SP8: variants seen among roughly 807,000 people sequenced by gnomAD.
SP8 encodes transcription factor Sp8.
SP8 carries 7 observed loss-of-function variants against 15.3 expected under a neutral mutation model. That is an observed-to-expected ratio of 0.46 (90% CI 0.26 to 0.86). The LOEUF is 0.86. SP8 is among the 40% of genes least tolerant of loss of function. The pLI is 0.16. For synonymous variants in SP8, 415 were observed against 356.3 expected (o/e 1.16, Z -1.86); for missense variants, 731 against 736.4 (o/e 0.99, Z 0.09).
Position 20,782,565 on chromosome 7 carries a change from G to C in SP8, c.*1725C>G, listed in dbSNP as rs531286770. On this transcript the variant is annotated 3_prime_UTR_variant, in exon 2 of 2. Transcript: ENST00000418710. ...ACTTGGACAATTTATTTAATACATG[G>C]GTTTTGGCAGACCACTTATTATGAA... 2.5e-4 allele frequency: 1 copy of C among 4,032 alleles called. No individual in the cohort carries two copies. The highest frequency in any genetic ancestry group is 1.3e-3 in the African/African-American group (1 of 746). The allele number at this position is 4,032 out of a possible 1,614,324, so 0.2% of individuals were successfully genotyped here.
In SP8 at chr7:20,785,969, G is replaced by C. The variant is rs906227813; in HGVS notation, c.22-174C>G. The C allele has an allele frequency of 1.4e-6, 2 of 1,447,342 alleles. No homozygotes were observed. The highest frequency in any genetic ancestry group is 9.1e-7 in the Non-Finnish European group (1 of 1,102,058). 89.7% of individuals were successfully genotyped at this position (1,447,342 alleles called of 1,614,324 possible). Reference sequence around the variant, plus strand: ...TCACCTGGCACCCCCAACAGCCCCGGCGCCCGGCCGCTTCCTACTCTACAG... The same window carrying C: ...TCACCTGGCACCCCCAACAGCCCCGCCGCCCGGCCGCTTCCTACTCTACAG... On this transcript the variant is annotated intron_variant, in intron 1 of 1. Coordinates refer to ENST00000418710, the MANE Select transcript of SP8 (RefSeq NM_182700.6). The surrounding 1 kb of genome is among the most constrained non-coding windows in gnomAD (Gnocchi z 7.2).
chr7:20,786,850 CAG>C lies in SP8; in HGVS notation c.-54_-53del, dbSNP rs1230662778. 1 of 1,472,686 alleles carries C rather than the reference CAG, an allele frequency of 6.8e-7. No homozygotes were observed. Among genetic ancestry groups the C allele is most frequent in the East Asian group, 2.3e-5 (1 of 44,208 alleles). The allele number at this position is 1,472,686 out of a possible 1,614,324, so 91.2% of individuals were successfully genotyped here. On this transcript the variant is annotated 5_prime_UTR_variant, in exon 1 of 2. Transcript: ENST00000418710. This position sits in a 1 kb window ranked among gnomAD's most constrained non-coding sequence, Gnocchi z 4.4. ...GAGGATCTTTTTTATATTGATAAAT[CAG>C]AGGCAGTGTTTTTTTTAGAGGTGTG...
In SP8 at chr7:20,784,454, T is replaced by C; in HGVS notation, c.1363A>G (p.Thr455Ala). The stretch of plus-strand genomic sequence containing the variant: ...CCGCCGCCGCCGCCGCCACTGTGCG[T>C]CTTCACGTGCTTGCTGAGGTGGTCG... ...RSDHLSKHVK[T>A]HSGGGGGGGS... The change falls in exon 2 of 2, where the codon ACG (threonine) becomes GCG (alanine). Residue 455 changes from threonine (T) to alanine (A), a missense_variant. Thr to Ala is a moderately conservative substitution (Grantham distance 58, BLOSUM62 0). Coordinates refer to ENST00000418710, the MANE Select transcript of SP8 (RefSeq NM_182700.6). 1 of 1,545,750 alleles carries C rather than the reference T, an allele frequency of 6.5e-7. No homozygotes were observed. The highest frequency in any genetic ancestry group is 8.7e-7 in the Non-Finnish European group (1 of 1,146,990).
rs775464218 is a variant in SP8 at position 20,785,289 on chromosome 7, C to T, written c.528G>A (p.Gln176=). 2 of 1,557,154 alleles carry T rather than the reference C, an allele frequency of 1.3e-6. No homozygotes were observed. Among genetic ancestry groups the T allele is most frequent in the Non-Finnish European group, 1.7e-6 (2 of 1,156,066 alleles). The change falls in exon 2 of 2, where the codon CAG becomes CAA. Residue 176 remains glutamine, a synonymous_variant. Transcript: ENST00000418710. The surrounding 1 kb of genome is among the most constrained non-coding windows in gnomAD (Gnocchi z 7.2). The part of the protein sequence containing the change: ...SSAHSQDGSH[Q]PVFISKVHTS... ...TGTGCACCTTGGAGATGAACACCGG[C>T]TGGTGGGAGCCGTCCTGCGAGTGCG...
At position 20,785,423 on chromosome 7, in the gene SP8, C is replaced by A; in HGVS notation, c.394G>T (p.Ala132Ser). The A allele has an allele frequency of 7.6e-7, 1 of 1,323,038 alleles. No individual in the cohort carries two copies. Among genetic ancestry groups the A allele is most frequent in the Non-Finnish European group, 9.7e-7 (1 of 1,028,242 alleles). 82.0% of individuals were successfully genotyped at this position (1,323,038 alleles called of 1,614,324 possible). A position where few individuals can be genotyped will look rare whatever the true frequency, so the allele number is the denominator to read the frequency against. Residue 132 changes from alanine (A) to serine (S), a missense_variant, in exon 2 of 2, where the codon GCC (alanine) becomes TCC (serine). This residue lies in a region of SP8 where 586 missense variants were observed against 524.9 expected (regional missense o/e 1.12). Coordinates refer to ENST00000418710, the MANE Select transcript of SP8 (RefSeq NM_182700.6). This position sits in a 1 kb window ranked among gnomAD's most constrained non-coding sequence, Gnocchi z 7.2. The part of the protein sequence containing the change: ...SAAAAAAAAA[A>S]AASSSPFAND... ...GCGAAGGGCGAGCTGGAGGCGGCGGCTGCGGCGGCGGCGGCGGCGGCTGCG... is the reference window on the plus strand; with the variant it reads ...GCGAAGGGCGAGCTGGAGGCGGCGGATGCGGCGGCGGCGGCGGCGGCTGCG...
rs1562606380 is a variant in SP8, at chr7:20,785,027, A to C, written c.790T>G (p.Ser264Ala). ...TCCGAGTTGTAGCCTCCGAGCGGCGAGTGCAGCGAGGTTTGGAGCCCCCCG... is the reference window on the plus strand; with the variant it reads ...TCCGAGTTGTAGCCTCCGAGCGGCGCGTGCAGCGAGGTTTGGAGCCCCCCG... ...AAGGLQTSLH[S>A]PLGGYNSDYS... The change falls in exon 2 of 2, where the codon TCG becomes GCG. Residue 264 changes from serine (S) to alanine (A), a missense_variant. Physicochemically the swap from Ser to Ala is moderately conservative, Grantham distance 99 (BLOSUM62 1). Transcript: ENST00000418710. This position sits in a 1 kb window ranked among gnomAD's most constrained non-coding sequence, Gnocchi z 7.2. The C allele has an allele frequency of 8.9e-6, 14 of 1,576,344 alleles. No homozygotes were observed. Among genetic ancestry groups the C allele is most frequent in the Non-Finnish European group, 1.2e-5 (14 of 1,166,234 alleles).
rs1216214016 is a variant in SP8 at position 20,785,852 on chromosome 7, G to A, written c.22-57C>T. The A allele has an allele frequency of 4.1e-5, 63 of 1,530,066 alleles. No individual in the cohort carries two copies. The South Asian group carries it at 5.2e-4, about 13-fold the overall frequency. The allele number at this position is 1,530,066 out of a possible 1,614,324, so 94.8% of individuals were successfully genotyped here. Reference sequence around the variant, plus strand: ...GGGGAGGTGGGCAAAGGGCCGGTGGGGGAGGAAAGGAAGAAATGTGCATCA... The same window carrying A: ...GGGGAGGTGGGCAAAGGGCCGGTGGAGGAGGAAAGGAAGAAATGTGCATCA... On this transcript the variant is annotated intron_variant, in intron 1 of 1. Transcript: ENST00000418710. The surrounding 1 kb of genome is among the most constrained non-coding windows in gnomAD (Gnocchi z 7.2).
Position 20,785,523 on chromosome 7 carries a change from CGCGGCAGCCGCG to C in SP8, c.282_293del (p.Ala96_Ala99del). The C allele has an allele frequency of 1.4e-6, 2 of 1,441,078 alleles. No homozygotes were observed. The highest frequency in any genetic ancestry group is 6.0e-5 in the Admixed American group (2 of 33,404). The allele number at this position is 1,441,078 out of a possible 1,614,324, so 89.3% of individuals were successfully genotyped here. A position where few individuals can be genotyped will look rare whatever the true frequency, so the allele number is the denominator to read the frequency against. ...AGCTGAACGAGTCGGACACCAGGGC[CGCGGCAGCCGCG>C]GCTGCTGCCGCGGCCGCCGCAGCCG... is the stretch of plus-strand genomic sequence containing the variant. On this transcript the variant is annotated inframe_deletion, in exon 2 of 2. Coordinates refer to ENST00000418710, the MANE Select transcript of SP8 (RefSeq NM_182700.6). The surrounding 1 kb of genome is among the most constrained non-coding windows in gnomAD (Gnocchi z 7.2).
chr7:20,785,673 G>T lies in SP8; in HGVS notation c.144C>A (p.Phe48Leu). ...SDSSSSFGKGFHPWKRSSSSS... is the reference protein window; with the variant it reads ...SDSSSSFGKGLHPWKRSSSSS... ...AGGACGAGGAGCGTTTCCAGGGGTGGAAGCCTTTGCCGAAGGAAGAAGAGC... is the reference window on the plus strand; with the variant it reads ...AGGACGAGGAGCGTTTCCAGGGGTGTAAGCCTTTGCCGAAGGAAGAAGAGC... Residue 48 changes from phenylalanine (F) to leucine (L), a missense_variant, in exon 2 of 2, where the codon TTC (phenylalanine) becomes TTA (leucine). This residue lies in a region of SP8 where 586 missense variants were observed against 524.9 expected (regional missense o/e 1.12). Transcript: ENST00000418710. This position sits in a 1 kb window ranked among gnomAD's most constrained non-coding sequence, Gnocchi z 7.2. 6.2e-7 allele frequency: 1 copy of T among 1,613,946 alleles called. No individual in the cohort carries two copies. Among genetic ancestry groups the T allele is most frequent in the African/African-American group, 1.3e-5 (1 of 75,002 alleles).
Position 20,783,618 on chromosome 7 carries a change from A to AG in SP8, c.*671_*672insC, listed in dbSNP as rs59073147. The AG allele has an allele frequency of 1, 152,371 of 152,372 alleles. 76,185 individuals carry two copies. The highest frequency in any genetic ancestry group is 1 in the Non-Finnish European group (68,072 of 68,072). The allele number at this position is 152,372 out of a possible 1,614,324, so 9.4% of individuals were successfully genotyped here. On this transcript the variant is annotated 3_prime_UTR_variant, in exon 2 of 2. Coordinates refer to ENST00000418710, the MANE Select transcript of SP8 (RefSeq NM_182700.6). Reference sequence around the variant, plus strand: ...TCAGGGAACAAAGAAAAAGAGGCAGACTGACATTGGGAGATCTAAACTCTA... The same window carrying AG: ...TCAGGGAACAAAGAAAAAGAGGCAGAGCTGACATTGGGAGATCTAAACTCTA...
Position 20,785,410 on chromosome 7 carries a change from C to T in SP8, c.407G>A (p.Ser136Asn). The change falls in exon 2 of 2, where the codon AGC (serine) becomes AAC (asparagine). Residue 136 changes from serine (S) to asparagine (N), a missense_variant. Ser to Asn is a conservative substitution (Grantham distance 46). Coordinates refer to ENST00000418710, the MANE Select transcript of SP8 (RefSeq NM_182700.6). This position sits in a 1 kb window ranked among gnomAD's most constrained non-coding sequence, Gnocchi z 7.2. ...AAAAAAAAASSSPFANDYSVF... is the reference protein window; with the variant it reads ...AAAAAAAAASNSPFANDYSVF... The stretch of plus-strand genomic sequence containing the variant: ...AGAGTAGTCGTTGGCGAAGGGCGAG[C>T]TGGAGGCGGCGGCTGCGGCGGCGGC... The T allele has an allele frequency of 1.5e-6, 2 of 1,324,426 alleles. No individual in the cohort carries two copies. The highest frequency in any genetic ancestry group is 1.9e-6 in the Non-Finnish European group (2 of 1,027,624). 82.0% of individuals were successfully genotyped at this position (1,324,426 alleles called of 1,614,324 possible).
chr7:20,786,754 G>C lies in SP8; in HGVS notation c.21+24C>G. The stretch of plus-strand genomic sequence containing the variant: ...CAATAAAAGGAAACTAATTAAACCA[G>C]CAAGAGAAAATCCTGAGACTCACCC... On this transcript the variant is annotated intron_variant, in intron 1 of 1. Coordinates refer to ENST00000418710, the MANE Select transcript of SP8 (RefSeq NM_182700.6). This position sits in a 1 kb window ranked among gnomAD's most constrained non-coding sequence, Gnocchi z 4.4. The C allele has an allele frequency of 6.2e-7, 1 of 1,612,286 alleles. No individual in the cohort carries two copies. The highest frequency in any genetic ancestry group is 8.5e-7 in the Non-Finnish European group (1 of 1,178,476).
In SP8 at chr7:20,784,216, G is replaced by A; in HGVS notation, c.*74C>T. ...GATGCAATAGGGAAAGGCTGGAGTT[G>A]AAGTCCGGACAGACAGGGCCCAAGA... On this transcript the variant is annotated 3_prime_UTR_variant, in exon 2 of 2. Coordinates refer to ENST00000418710, the MANE Select transcript of SP8 (RefSeq NM_182700.6). 1.6e-6 allele frequency: 2 copies of A among 1,282,368 alleles called. No individual in the cohort carries two copies. Among genetic ancestry groups the A allele is most frequent in the Non-Finnish European group, 2.0e-6 (2 of 988,878 alleles). 79.4% of individuals were successfully genotyped at this position (1,282,368 alleles called of 1,614,324 possible). A position where few individuals can be genotyped will look rare whatever the true frequency, so the allele number is the denominator to read the frequency against.
rs1019210525 is a variant in SP8 at position 20,784,810 on chromosome 7, G to A, written c.1007C>T (p.Ser336Phe). The A allele has an allele frequency of 2.6e-6, 4 of 1,528,652 alleles. No homozygotes were observed. In the African/African-American group the frequency reaches 5.6e-5, roughly 21 times the overall value. 94.7% of individuals were successfully genotyped at this position (1,528,652 alleles called of 1,614,324 possible). A position where few individuals can be genotyped will look rare whatever the true frequency, so the allele number is the denominator to read the frequency against. ...GTAGCGGCGAGCTGAGGAGCGCGGGGAGCCCCCCAGCGGCGCCGAAGGCCC... is the reference window on the plus strand; with the variant it reads ...GTAGCGGCGAGCTGAGGAGCGCGGGAAGCCCCCCAGCGGCGCCGAAGGCCC... ...SAGPSAPLGG[S>F]PRSSARRYSG... The change falls in exon 2 of 2, where the codon TCC (serine) becomes TTC (phenylalanine). Residue 336 changes from serine to phenylalanine, a missense_variant. By Grantham distance (155) the Ser-to-Phe change is radical. This residue lies in a region of SP8 where 586 missense variants were observed against 524.9 expected (regional missense o/e 1.12). Coordinates refer to ENST00000418710, the MANE Select transcript of SP8 (RefSeq NM_182700.6).
In SP8 at chr7:20,785,439, G is replaced by A. The variant is rs1184962419; in HGVS notation, c.378C>T (p.Ala126=). Residue 126 remains alanine, a synonymous_variant, in exon 2 of 2, where the codon GCC becomes GCT. Transcript: ENST00000418710. This position sits in a 1 kb window ranked among gnomAD's most constrained non-coding sequence, Gnocchi z 7.2. The stretch of plus-strand genomic sequence containing the variant: ...AGGCGGCGGCTGCGGCGGCGGCGGC[G>A]GCGGCTGCGGCGCTGCTGGAGGTGA... ...FSLTSSSAAA[A]AAAAAAAASS... 4 of 1,183,422 alleles carry A rather than the reference G, an allele frequency of 3.4e-6. No homozygotes were observed. Among genetic ancestry groups the A allele is most frequent in the East Asian group, 5.4e-5 (1 of 18,528 alleles). The allele number at this position is 1,183,422 out of a possible 1,614,324, so 73.3% of individuals were successfully genotyped here. A position where few individuals can be genotyped will look rare whatever the true frequency, so the allele number is the denominator to read the frequency against.
In SP8 at chr7:20,785,911, C is replaced by A; in HGVS notation, c.22-116G>T. 1 of 1,461,792 alleles carries A rather than the reference C, an allele frequency of 6.8e-7. No homozygotes were observed. The highest frequency in any genetic ancestry group is 9.1e-7 in the Non-Finnish European group (1 of 1,099,092). The allele number at this position is 1,461,792 out of a possible 1,614,324, so 90.6% of individuals were successfully genotyped here. A position where few individuals can be genotyped will look rare whatever the true frequency, so the allele number is the denominator to read the frequency against. ...GTAGCCTCCAAAGCGCCCCACTGCA[C>A]CCCATCTCTCGCTGCGGCGCGCCGC... On this transcript the variant is annotated intron_variant, in intron 1 of 1. Transcript: ENST00000418710. This position sits in a 1 kb window ranked among gnomAD's most constrained non-coding sequence, Gnocchi z 7.2.
chr7:20,784,909 G>T lies in SP8; in HGVS notation c.908C>A (p.Pro303Gln). ...GTCCGGGTAGGAGCCGGGTAGCACT[G>T]GCTTGAAGCCGTCCATGAGGTGCTG... ...AGQHLMDGFK[P>Q]VLPGSYPDSA... The change falls in exon 2 of 2, where the codon CCA (proline) becomes CAA (glutamine). Residue 303 changes from proline to glutamine, a missense_variant. Physicochemically the swap from Pro to Gln is moderately conservative, Grantham distance 76 (BLOSUM62 -1). Transcript: ENST00000418710. 6.5e-7 allele frequency: 1 copy of T among 1,540,598 alleles called. No homozygotes were observed. The highest frequency in any genetic ancestry group is 1.2e-5 in the South Asian group (1 of 84,074).
rs367927423 is a variant in SP8, at chr7:20,784,424, AGCC to A, written c.1390_1392del (p.Gly464del). 2.1e-4 allele frequency: 320 copies of A among 1,525,612 alleles called. 1 individual carries two copies. Among genetic ancestry groups the A allele is most frequent in the Admixed American group, 6.2e-4 (31 of 49,706 alleles). 94.5% of individuals were successfully genotyped at this position (1,525,612 alleles called of 1,614,324 possible). A position where few individuals can be genotyped will look rare whatever the true frequency, so the allele number is the denominator to read the frequency against. On this transcript the variant is annotated inframe_deletion, in exon 2 of 2. Transcript: ENST00000418710. ...TTGCCGCCGCTGCCCGAGCCCGCCG[AGCC>A]GCCGCCGCCGCCGCCGCCACTGTGC...
rs200187315 is a variant in SP8 at position 20,785,251 on chromosome 7, C to G, written c.566G>C (p.Gly189Ala). Reference protein sequence around the residue: ...FISKVHTSVDGLQGIYPRVGM... With the variant: ...FISKVHTSVDALQGIYPRVGM... Reference sequence around the variant, plus strand: ...CACCCGCGGGTAGATGCCCTGCAGCCCGTCCACAGAGGTGTGCACCTTGGA... The same window carrying G: ...CACCCGCGGGTAGATGCCCTGCAGCGCGTCCACAGAGGTGTGCACCTTGGA... Residue 189 changes from glycine (G) to alanine (A), a missense_variant, in exon 2 of 2, where the codon GGG becomes GCG. Physicochemically the swap from Gly to Ala is moderately conservative, Grantham distance 60 (BLOSUM62 0). Around this residue, in one of 3 missense-constraint regions of SP8, gnomAD observed 586 missense variants for 524.9 expected, o/e 1.12. Coordinates refer to ENST00000418710, the MANE Select transcript of SP8 (RefSeq NM_182700.6). This position sits in a 1 kb window ranked among gnomAD's most constrained non-coding sequence, Gnocchi z 7.2. 88 of 1,596,584 alleles carry G rather than the reference C, an allele frequency of 5.5e-5. No individual in the cohort carries two copies. The highest frequency in any genetic ancestry group is 5.5e-5 in the African/African-American group (4 of 72,932).
Sources: allele counts gnomAD v4.1 joint callset, GRCh38; gene constraint gnomAD v4.1.1; regional missense constraint gnomAD v4.1.1; non-coding constraint Gnocchi (gnomAD v3.1); transcripts MANE v1.5; gene names NCBI Gene and HGNC (gene_info 2026-07-23, HGNC 2026-07-21).